The following CACNA2D1 variants were observed in gnomAD, a reference collection of about 807,000 sequenced individuals.
CACNA2D1 encodes calcium voltage-gated channel auxiliary subunit alpha2delta 1, also known as voltage-dependent calcium channel subunit alpha-2/delta-1.
CACNA2D1 carries 53 observed loss-of-function variants against 171.5 expected under a neutral mutation model. That is an observed-to-expected ratio of 0.31 (90% CI 0.25 to 0.39). CACNA2D1 has a LOEUF of 0.39. Ranked by LOEUF, CACNA2D1 falls within the 10% of genes least tolerant of loss-of-function variation. The pLI is 1.00. For missense variants in CACNA2D1, 903 were observed against 1,299.8 expected, an observed-to-expected ratio of 0.69 and a Z score of 4.69; for synonymous variants, 442 against 443.1, an observed-to-expected ratio of 1.00 and a Z score of 0.03.
chr7:82,357,888 C>T (rs1820640558), intron 1 of CACNA2D1, among the ~76,000 whole-genome samples: 1 of 150,694 alleles, frequency 6.6e-6, no homozygotes, highest in Non-Finnish European at 1.5e-5. Flanking sequence ...GGGCTTGTTA[C>T]AGTAAGGGAT....
intron 3 of CACNA2D1, among the ~76,000 whole-genome samples, chr7:82,284,907 G>A (rs1412500388): frequency 2.6e-5 from 4 of 151,946 alleles, no homozygotes; most frequent in Non-Finnish European, 5.9e-5. Flanking sequence ...AAATTTTTAC[G>A]CATCCATTTT....
intron 3 of CACNA2D1, among the ~76,000 whole-genome samples, chr7:82,298,880 T>C (rs143119807): frequency 3.7e-4 from 57 of 152,086 alleles, no homozygotes; most frequent in African/African-American, 1.3e-3. Context: ...CTGGCCAATA[T>C]GGTGAAACCC....
chr7:82,338,445 T>C (rs2129444687), intron 2 of CACNA2D1, among the ~76,000 whole-genome samples: 1 of 152,298 alleles, frequency 6.6e-6, no homozygotes, highest in Non-Finnish European at 1.5e-5. Context: ...TCCTCCCATG[T>C]CAACCTTCCA....
intron 3 of CACNA2D1, among the ~76,000 whole-genome samples, chr7:82,248,889 G>A (rs528891931): frequency 1.2e-4 from 19 of 152,040 alleles, no homozygotes; most frequent in Middle Eastern, 6.8e-3. Context: ...AGGCCGAGGC[G>A]GGCGGATCAT....
intron 3 of CACNA2D1, among the ~76,000 whole-genome samples, chr7:82,266,130 A>G (rs1371511736): frequency 1.3e-5 from 2 of 152,172 alleles, no homozygotes; most frequent in African/African-American, 4.8e-5. Flanking sequence ...AAAAGCCACA[A>G]AAGCATTTTT....
intron 3 of CACNA2D1, among the ~76,000 whole-genome samples, chr7:82,240,657 T>G (rs572847363): frequency 6.6e-6 from 1 of 152,140 alleles, no homozygotes; most frequent in African/African-American, 2.4e-5. Flanking sequence ...ACACCACTTA[T>G]GTTTTACTTA....
At chr7:82,397,821 G>A (rs756469777) in intron 1 of CACNA2D1, among the ~76,000 whole-genome samples, 10 of 152,094 alleles carry the variant, frequency 6.6e-5, no homozygotes, top group South Asian at 2.1e-4. Context: ...AGCTAACACC[G>A]TAGCAGAGTC....
intron 1 of CACNA2D1, among the ~76,000 whole-genome samples, chr7:82,428,463 A>C (rs1829392967): frequency 6.6e-6 from 1 of 152,144 alleles, no homozygotes; most frequent in Non-Finnish European, 1.5e-5. Context: ...CTCCCATTCC[A>C]GAGATTTTCC....
At chr7:82,026,363 CTTTATG>C (rs1801912069) in intron 12 of CACNA2D1, among the ~76,000 whole-genome samples, 1 of 151,130 alleles carries the variant, frequency 6.6e-6, no homozygotes, top group Non-Finnish European at 1.5e-5. Flanking sequence ...TTCTTTCTTC[CTTTATG>C]TTTGTCATTT....
chr7:81,996,171 T>G (rs1487686206), intron 19 of CACNA2D1, among the ~76,000 whole-genome samples: 1 of 152,182 alleles, frequency 6.6e-6, no homozygotes, highest in South Asian at 2.1e-4. Flanking sequence ...TCACTATTAC[T>G]GATTGATTTA....
At chr7:82,329,485 T>G (rs1211507883) in intron 3 of CACNA2D1, among the ~76,000 whole-genome samples, 1 of 152,118 alleles carries the variant, frequency 6.6e-6, no homozygotes, top group Non-Finnish European at 1.5e-5. Context: ...CTGGGCTGGT[T>G]GGTGAACAAT....
At chr7:82,216,185 T>C (rs538301958) in intron 3 of CACNA2D1, among the ~76,000 whole-genome samples, 15 of 152,276 alleles carry the variant, frequency 9.9e-5, no homozygotes, top group African/African-American at 3.6e-4. Context: ...AAGCCTGTGG[T>C]AGAAATAATT....
chr7:82,243,082 C>A (rs917279026), intron 3 of CACNA2D1, among the ~76,000 whole-genome samples: 30 of 152,116 alleles, frequency 2.0e-4, no homozygotes, highest in Non-Finnish European at 3.2e-4. Flanking sequence ...TATTTGCATT[C>A]CAAATATCTG....
chr7:82,392,494 G>C (rs188539482), intron 1 of CACNA2D1, among the ~76,000 whole-genome samples: 1 of 152,196 alleles, frequency 6.6e-6, no homozygotes, highest in African/African-American at 2.4e-5. Flanking sequence ...GTAATGCAGG[G>C]GGGCTGGGAC....
At position 81,967,539 on chromosome 7, in the gene CACNA2D1, T is replaced by G. The variant is rs562538998; in HGVS notation, c.2463+57A>C. 4 of 910,782 alleles carry G rather than the reference T, an allele frequency of 4.4e-6. No homozygotes were observed. In the East Asian group the frequency reaches 7.9e-5, roughly 18 times the overall value. The allele number at this position is 910,782 out of a possible 1,614,324, so 56.4% of individuals were successfully genotyped here. On this transcript the variant is annotated intron_variant, in intron 30 of 38. Transcript: ENST00000356860. ...ACTGTATAAGGACCTTATATTTTTTTCTATTGAATTTTGAAAACATTAAAC... is the reference window on the plus strand; with the variant it reads ...ACTGTATAAGGACCTTATATTTTTTGCTATTGAATTTTGAAAACATTAAAC...
At chr7:82,262,457 A>G (rs1807250478) in intron 3 of CACNA2D1, among the ~76,000 whole-genome samples, 1 of 152,184 alleles carries the variant, frequency 6.6e-6, no homozygotes, top group South Asian at 2.1e-4. Flanking sequence ...ATAAACAGAG[A>G]AAGCTTTAGC....
chr7:82,160,281 A>T (rs186260279), intron 4 of CACNA2D1, among the ~76,000 whole-genome samples: 45 of 152,194 alleles, frequency 3.0e-4, no homozygotes, highest in Middle Eastern at 3.4e-3. Context: ...AACTCAGATT[A>T]GAGCATTCTA....
chr7:82,282,930 A>G (rs547196042), intron 3 of CACNA2D1, among the ~76,000 whole-genome samples: 1 of 152,284 alleles, frequency 6.6e-6, no homozygotes, highest in Admixed American at 6.5e-5. Flanking sequence ...CTAATATAAG[A>G]ATCAAATTAA....
chr7:82,222,343 A>G (rs1253574710), intron 3 of CACNA2D1, among the ~76,000 whole-genome samples: 2 of 152,196 alleles, frequency 1.3e-5, no homozygotes, highest in Non-Finnish European at 2.9e-5. Flanking sequence ...AGAAAGAACT[A>G]TACAAGACTA....
Sources: gnomAD v4.1 joint callset for allele counts (sites outside exome capture counted in the v4.1 genomes callset) on GRCh38, gnomAD v4.1.1 for gene constraint, MANE v1.5 for transcripts, NCBI Gene and HGNC (gene_info 2026-07-23, HGNC 2026-07-21) for gene names.